Variants in EGFR observed in about 807,000 individuals in gnomAD.
EGFR encodes avian erythroblastic leukemia viral (v-erb-b) oncogene homolog.
EGFR carries 58 observed loss-of-function variants against 143.0 expected under a neutral mutation model. That is an observed-to-expected ratio of 0.41 (90% CI 0.33 to 0.50). The LOEUF (loss-of-function observed/expected upper bound fraction) is 0.50, where lower values mean the gene tolerates loss of function less well. Among genes scored for constraint, EGFR ranks in the 20% least tolerant of loss-of-function variants. The pLI is 0.39. For synonymous variants in EGFR, 613 were observed against 594.4 expected (o/e 1.03, Z -0.45); for missense variants, 1,307 against 1,579.0 (o/e 0.83, Z 2.92).
At chr7:55,140,468 A>G (rs1283243426) in intron 1 of EGFR, among the ~76,000 whole-genome samples, 3 of 152,210 alleles carry the variant, frequency 2.0e-5, no homozygotes, top group African/African-American at 7.2e-5. Flanking sequence ...AGCAGCTTTT[A>G]TTCCAAGGTG....
chr7:55,183,503 G>A (rs1470328820), intron 20 of EGFR, among the ~76,000 whole-genome samples: 2 of 152,172 alleles, frequency 1.3e-5, no homozygotes, highest in Non-Finnish European at 2.9e-5. Flanking sequence ...TTGGGTAGAC[G>A]TGAAATGTGG....
chr7:55,032,139 T>C (rs1472955000), intron 1 of EGFR, among the ~76,000 whole-genome samples: 1 of 152,230 alleles, frequency 6.6e-6, no homozygotes, highest in Non-Finnish European at 1.5e-5. Flanking sequence ...AATCGCCCTA[T>C]GTCCCATTCA....
chr7:55,093,778 A>C (rs1277529486), intron 1 of EGFR, among the ~76,000 whole-genome samples: 1 of 152,146 alleles, frequency 6.6e-6, no homozygotes, highest in Non-Finnish European at 1.5e-5. Flanking sequence ...GGGAGATGAA[A>C]CTAGTCTGTG....
rs192266035 is a variant in EGFR at position 55,025,593 on chromosome 7, G to A, written c.88+6228G>A. Among the ~76,000 whole-genome samples, 400 of 152,276 alleles carry A rather than the reference G, an allele frequency of 2.6e-3. 3 individuals are homozygous for A. Among genetic ancestry groups the A allele is most frequent in the African/African-American group, 9.2e-3 (381 of 41,540 alleles). ...AGAAGTCCAGGAGGCAGTAGAATAC[G>A]GTGGTCCAGAGCACAGGAGAGCAAT... is the stretch of plus-strand genomic sequence containing the variant. On this transcript the variant is annotated intron_variant, in intron 1 of 27. Coordinates refer to ENST00000275493, the MANE Select transcript of EGFR (RefSeq NM_005228.5).
chr7:55,203,354 CAT>C (rs1787946067), intron 27 of EGFR, among the ~76,000 whole-genome samples: 1 of 148,660 alleles, frequency 6.7e-6, no homozygotes, highest in East Asian at 2.0e-4. Flanking sequence ...TATATACACA[CAT>C]ACACCATGCA....
chr7:55,054,507 C>A (rs947794833), intron 1 of EGFR, among the ~76,000 whole-genome samples: 1 of 152,214 alleles, frequency 6.6e-6, no homozygotes. Context: ...TTTTTCCTGG[C>A]GCGCCCGCGG....
At position 55,154,141 on chromosome 7, in the gene EGFR, A is replaced by G. The variant is rs1562764304; in HGVS notation, c.878A>G (p.Lys293Arg). Residue 293 changes from lysine (K) to arginine (R), a missense_variant, in exon 7 of 28, where the codon AAG (lysine) becomes AGG (arginine). Lys to Arg is a conservative substitution (Grantham distance 26). Around this residue, in one of 7 missense-constraint regions of EGFR, gnomAD observed 311 missense variants for 412.3 expected, o/e 0.75. Transcript: ENST00000275493. ...TACAGCTTTGGTGCCACCTGCGTGA[A>G]GAAGTGTCCCCGTGAGTCCTCCTCT... ...GKYSFGATCV[K>R]KCPRNYVVTD... The G allele has an allele frequency of 6.2e-7, 1 of 1,614,236 alleles. No individual in the cohort carries two copies. The highest frequency in any genetic ancestry group is 2.2e-5 in the East Asian group (1 of 44,884).
At chr7:55,041,249 C>G (rs1468113421) in intron 1 of EGFR, among the ~76,000 whole-genome samples, 2 of 152,162 alleles carry the variant, frequency 1.3e-5, no homozygotes, top group Non-Finnish European at 2.9e-5. Context: ...CTCGTCTCTA[C>G]TAAAAATACA....
chr7:55,195,445 A>G (rs889896058), intron 22 of EGFR, among the ~76,000 whole-genome samples: 2 of 152,366 alleles, frequency 1.3e-5, no homozygotes, highest in Middle Eastern at 3.4e-3. Flanking sequence ...AAGGAAAAAC[A>G]TGAGGGTTTT....
intron 1 of EGFR, among the ~76,000 whole-genome samples, chr7:55,032,521 C>G (rs1787312707): frequency 6.6e-6 from 1 of 152,208 alleles, no homozygotes; most frequent in Admixed American, 6.5e-5. Context: ...TCCTGGGGAA[C>G]TGAATGAGGA....
chr7:55,022,452 C>G (rs1583846120), intron 1 of EGFR, among the ~76,000 whole-genome samples: 1 of 152,320 alleles, frequency 6.6e-6, no homozygotes, highest in East Asian at 1.9e-4. Context: ...AAAGCCCAAG[C>G]CCGGCCTGGC....
At chr7:55,159,031 G>C (rs980264334) in intron 11 of EGFR, among the ~76,000 whole-genome samples, 1 of 152,186 alleles carries the variant, frequency 6.6e-6, no homozygotes, top group African/African-American at 2.4e-5. Flanking sequence ...CCTGGGGTCA[G>C]ATGAGAGCTT....
chr7:55,112,616 T>C (rs1792578897), intron 1 of EGFR, among the ~76,000 whole-genome samples: 1 of 152,136 alleles, frequency 6.6e-6, no homozygotes. Context: ...CTCAGCAGCC[T>C]CCTGTGAAGC....
At chr7:55,067,501 C>T (rs1030381804) in intron 1 of EGFR, among the ~76,000 whole-genome samples, 18 of 151,436 alleles carry the variant, frequency 1.2e-4, no homozygotes, top group Admixed American at 1.1e-3. Context: ...CTCTTTTTCA[C>T]TTTAAAAACA....
rs966627271 is a variant in EGFR, at chr7:55,210,986, T to A, written c.*5369T>A. On this transcript the variant is annotated 3_prime_UTR_variant, in exon 28 of 28. Transcript: ENST00000275493. Reference sequence around the variant, plus strand: ...AAAAACAAGAATTCAAGAAGAGGATTCATGCTTTAAGAAACATTTGTTATA... The same window carrying A: ...AAAAACAAGAATTCAAGAAGAGGATACATGCTTTAAGAAACATTTGTTATA... The A allele has an allele frequency of 6.6e-6, 1 of 152,224 alleles. No individual in the cohort carries two copies. The highest frequency in any genetic ancestry group is 6.5e-5 in the Admixed American group (1 of 15,284). The allele number at this position is 152,224 out of a possible 1,614,324, so 9.4% of individuals were successfully genotyped here.
chr7:55,086,834 T>C (rs191253522), intron 1 of EGFR, among the ~76,000 whole-genome samples: 40 of 152,310 alleles, frequency 2.6e-4, no homozygotes, highest in African/African-American at 9.4e-4. Context: ...TTCAAAGCCG[T>C]GAGTCAACCT....
intron 1 of EGFR, among the ~76,000 whole-genome samples, chr7:55,131,616 G>A (rs2128920350): frequency 6.6e-6 from 1 of 152,260 alleles, no homozygotes; most frequent in East Asian, 1.9e-4. Flanking sequence ...CCCTCTCGAA[G>A]CTGCTTCTCC....
chr7:55,070,718 G>A (rs1789772347), intron 1 of EGFR, among the ~76,000 whole-genome samples: 1 of 152,180 alleles, frequency 6.6e-6, no homozygotes, highest in Non-Finnish European at 1.5e-5. Flanking sequence ...GATTGTAGAA[G>A]CAAATTTGCA....
chr7:55,191,823 G>A lies in EGFR; in HGVS notation c.2574G>A (p.Leu858=), dbSNP rs397517129. 1 of 1,614,082 alleles carries A rather than the reference G, an allele frequency of 6.2e-7. No homozygotes were observed. Among genetic ancestry groups the A allele is most frequent in the Non-Finnish European group, 8.5e-7 (1 of 1,180,020 alleles). The change falls in exon 21 of 28, where the codon CTG becomes CTA. Residue 858 remains leucine (L), a synonymous_variant. Coordinates refer to ENST00000275493, the MANE Select transcript of EGFR (RefSeq NM_005228.5). ...PQHVKITDFG[L]AKLLGAEEKE... Reference sequence around the variant, plus strand: ...ATGTCAAGATCACAGATTTTGGGCTGGCCAAACTGCTGGGTGCGGAAGAGA... The same window carrying A: ...ATGTCAAGATCACAGATTTTGGGCTAGCCAAACTGCTGGGTGCGGAAGAGA...
Sources: allele counts gnomAD v4.1 joint callset (sites outside exome capture counted in the v4.1 genomes callset), GRCh38; gene constraint gnomAD v4.1.1; regional missense constraint gnomAD v4.1.1; transcripts MANE v1.5; gene names NCBI Gene and HGNC (gene_info 2026-07-23, HGNC 2026-07-21).